Variants in IRF5 observed in about 807,000 individuals in gnomAD.
IRF5 encodes the protein interferon regulatory factor 5.
In IRF5, 24 loss-of-function variants were observed where a neutral mutation model predicts 55.1. The ratio of observed to expected loss-of-function variants is 0.44; its 90% CI spans 0.32 to 0.61. IRF5 has a LOEUF of 0.61. Among genes scored for constraint, IRF5 ranks in the 20% least tolerant of loss-of-function variants. The pLI, the probability that IRF5 is intolerant of heterozygous loss-of-function variation, is 0.07. For missense variants in IRF5, 499 were observed against 658.5 expected (o/e 0.76, Z 2.65); for synonymous variants, 258 against 260.2 (o/e 0.99, Z 0.08).
At chr7:128,943,514 A>G (rs1796142449) in intron 2 of IRF5, among the ~76,000 whole-genome samples, 2 of 150,018 alleles carry the variant, frequency 1.3e-5, no homozygotes, top group African/African-American at 2.5e-5. Flanking sequence ...AGCCGTGACT[A>G]CAGGTGCATG....
Position 128,949,096 on chromosome 7 carries a change from A to G in IRF5, c.*278A>G, listed in dbSNP as rs1796492723. ...TCCCAACCCTGGGGCCTAGCTGTAT[A>G]GGAGGAATTGCCTAAGGGTGGCCCA... On this transcript the variant is annotated 3_prime_UTR_variant, in exon 9 of 9. Coordinates refer to ENST00000357234, the MANE Select transcript of IRF5 (RefSeq NM_001098629.3). 4.5e-6 allele frequency: 2 copies of G among 441,004 alleles called. No homozygotes were observed. 27.3% of individuals were successfully genotyped at this position (441,004 alleles called of 1,614,324 possible). A position where few individuals can be genotyped will look rare whatever the true frequency, so the allele number is the denominator to read the frequency against.
chr7:128,948,621 CT>C lies in IRF5; in HGVS notation c.1349del (p.Leu450HisfsTer156). The C allele has an allele frequency of 1.2e-6, 2 of 1,614,166 alleles. No homozygotes were observed. The highest frequency in any genetic ancestry group is 1.7e-6 in the Non-Finnish European group (2 of 1,180,036). ...GCTGCTGGAGATGTTCTCAGGGGAGCTATCTTGGTCAGCTGATAGTATCCGG... is the reference window on the plus strand; with the variant it reads ...GCTGCTGGAGATGTTCTCAGGGGAGCATCTTGGTCAGCTGATAGTATCCGG... The part of the protein sequence containing the change: ...RLLLEMFSGE[L>X]SWSADSIRLQ... On this transcript the variant is annotated frameshift_variant, in exon 9 of 9. Coordinates refer to ENST00000357234, the MANE Select transcript of IRF5 (RefSeq NM_001098629.3). LOFTEE classifies it high-confidence loss of function. This position sits in a 1 kb window ranked among gnomAD's most constrained non-coding sequence, Gnocchi z 4.6.
rs150639578 is a variant in IRF5, at chr7:128,941,040, A to G, written c.-11-1031A>G. On this transcript the variant is annotated intron_variant, in intron 1 of 8. Transcript: ENST00000357234. ...AATGACCCAGTCCTTTCTGTCTTCC[A>G]CCCAGGGGTCTCAAGTGAAGGGCCA... Among the ~76,000 whole-genome samples, 801 of 152,336 alleles carry G rather than the reference A, an allele frequency of 5.3e-3. 7 individuals carry two copies. The highest frequency in any genetic ancestry group is 9.3e-3 in the Non-Finnish European group (632 of 68,036).
chr7:128,948,435 C>A lies in IRF5; in HGVS notation c.1299+107C>A. The A allele has an allele frequency of 6.8e-7, 1 of 1,466,794 alleles. No individual in the cohort carries two copies. The highest frequency in any genetic ancestry group is 9.3e-7 in the Non-Finnish European group (1 of 1,073,826). 90.9% of individuals were successfully genotyped at this position (1,466,794 alleles called of 1,614,324 possible). A position where few individuals can be genotyped will look rare whatever the true frequency, so the allele number is the denominator to read the frequency against. On this transcript the variant is annotated intron_variant, in intron 8 of 8. Coordinates refer to ENST00000357234, the MANE Select transcript of IRF5 (RefSeq NM_001098629.3). The surrounding 1 kb of genome is among the most constrained non-coding windows in gnomAD (Gnocchi z 4.6). ...CTCAGGGCTCCCTGAGCAGTGTGAACTTGGCGGCCAGAGACCATCAAGGCT... is the reference window on the plus strand; with the variant it reads ...CTCAGGGCTCCCTGAGCAGTGTGAAATTGGCGGCCAGAGACCATCAAGGCT...
intron 1 of IRF5, 115 bp from the exon 2 acceptor site, chr7:128,941,956 A>G: frequency 1.4e-6 from 1 of 712,564 alleles, no homozygotes; most frequent in Non-Finnish European, 2.3e-6. Context: ...ATTGGCCTTA[A>G]ATACCTAGAT....
Position 128,947,141 on chromosome 7 carries a change from G to C in IRF5, c.481+85G>C. 1 of 1,611,624 alleles carries C rather than the reference G, an allele frequency of 6.2e-7. No individual in the cohort carries two copies. Among genetic ancestry groups the C allele is most frequent in the Non-Finnish European group, 8.5e-7 (1 of 1,178,400 alleles). On this transcript the variant is annotated intron_variant, in intron 5 of 8. Coordinates refer to ENST00000357234, the MANE Select transcript of IRF5 (RefSeq NM_001098629.3). This position sits in a 1 kb window ranked among gnomAD's most constrained non-coding sequence, Gnocchi z 6.5. Reference sequence around the variant, plus strand: ...GTACCTGGAAGGGGGCTGATGGGAGGCTAGGGTGGCCCAGGGCTGGGAGGA... The same window carrying C: ...GTACCTGGAAGGGGGCTGATGGGAGCCTAGGGTGGCCCAGGGCTGGGAGGA...
rs549413419 is a variant in IRF5, at chr7:128,946,875, G to A, written c.448-148G>A. ...TGCCTGGGATGGACGAGCTGGGACC[G>A]GAGGCAGGGTCTTGCCTGAGCTAAA... is the stretch of plus-strand genomic sequence containing the variant. On this transcript the variant is annotated intron_variant, in intron 4 of 8. Coordinates refer to ENST00000357234, the MANE Select transcript of IRF5 (RefSeq NM_001098629.3). This position sits in a 1 kb window ranked among gnomAD's most constrained non-coding sequence, Gnocchi z 4.2. 22 of 945,852 alleles carry A rather than the reference G, an allele frequency of 2.3e-5. No individual in the cohort carries two copies. Among genetic ancestry groups the A allele is most frequent in the East Asian group, 1.3e-4 (5 of 38,938 alleles). The allele number at this position is 945,852 out of a possible 1,614,324, so 58.6% of individuals were successfully genotyped here.
Position 128,947,428 on chromosome 7 carries a change from G to C in IRF5, c.680G>C (p.Arg227Thr). ...CCCCCTGGCAACCCTGCTGGCTTCA[G>C]GGAGCTTCTCTCTGAGGTCCTGGAG... ...APPPGNPAGF[R>T]ELLSEVLEPG... The change falls in exon 6 of 9, where the codon AGG becomes ACG. Residue 227 changes from arginine to threonine, a missense_variant. Coordinates refer to ENST00000357234, the MANE Select transcript of IRF5 (RefSeq NM_001098629.3). The surrounding 1 kb of genome is among the most constrained non-coding windows in gnomAD (Gnocchi z 6.5). 1 of 1,611,672 alleles carries C rather than the reference G, an allele frequency of 6.2e-7. No homozygotes were observed. The highest frequency in any genetic ancestry group is 8.5e-7 in the Non-Finnish European group (1 of 1,179,442).
chr7:128,938,583 C>T (rs145527852), intron 1 of IRF5, among the ~76,000 whole-genome samples: 40 of 152,296 alleles, frequency 2.6e-4, no homozygotes, highest in African/African-American at 8.2e-4. Context: ...ATCTTCAGGC[C>T]AATGGCAGGA....
intron 2 of IRF5, among the ~76,000 whole-genome samples, chr7:128,943,661 C>T (rs1195783544): frequency 6.7e-6 from 1 of 150,364 alleles, no homozygotes; most frequent in African/African-American, 2.5e-5. Context: ...CTGCCTCAGC[C>T]TCCCGAGTAG....
At position 128,949,038 on chromosome 7, in the gene IRF5, C is replaced by T. The variant is rs1435293454; in HGVS notation, c.*220C>T. On this transcript the variant is annotated 3_prime_UTR_variant, in exon 9 of 9. Transcript: ENST00000357234. The stretch of plus-strand genomic sequence containing the variant: ...TCTCTGGTCTGGTCAGCCTGGCTCT[C>T]GGGAAATTCAGCCATGAGCAGGGAA... 1.2e-5 allele frequency: 7 copies of T among 578,672 alleles called. No individual in the cohort carries two copies. The highest frequency in any genetic ancestry group is 6.6e-5 in the South Asian group (3 of 45,342). 35.8% of individuals were successfully genotyped at this position (578,672 alleles called of 1,614,324 possible). A position where few individuals can be genotyped will look rare whatever the true frequency, so the allele number is the denominator to read the frequency against.
intron 2 of IRF5, among the ~76,000 whole-genome samples, chr7:128,944,854 A>G (rs1024007856): frequency 6.6e-6 from 1 of 152,084 alleles, no homozygotes; most frequent in Non-Finnish European, 1.5e-5. Flanking sequence ...CCCCTCATTG[A>G]TGGATGTTGC....
At chr7:128,945,081 G>A (rs1796228775) in intron 2 of IRF5, among the ~76,000 whole-genome samples, 1 of 152,152 alleles carries the variant, frequency 6.6e-6, no homozygotes, top group South Asian at 2.1e-4. Context: ...TGTCCTATGT[G>A]CAGGTTTAGC....
intron 1 of IRF5, among the ~76,000 whole-genome samples, chr7:128,941,827 C>G (rs1482925089): frequency 6.6e-6 from 1 of 152,164 alleles, no homozygotes; most frequent in Non-Finnish European, 1.5e-5. Context: ...ATGCCTCTGC[C>G]CGGTAAAGGG....
rs144353804 is a variant in IRF5, at chr7:128,949,039, G to A, written c.*221G>A. 1,472 of 577,456 alleles carry A rather than the reference G, an allele frequency of 2.5e-3. 15 individuals are homozygous for A. Among genetic ancestry groups the A allele is most frequent in the African/African-American group, 0.024 (1,278 of 53,574 alleles). 35.8% of individuals were successfully genotyped at this position (577,456 alleles called of 1,614,324 possible). A position where few individuals can be genotyped will look rare whatever the true frequency, so the allele number is the denominator to read the frequency against. ...CTCTGGTCTGGTCAGCCTGGCTCTCGGGAAATTCAGCCATGAGCAGGGAAA... is the reference window on the plus strand; with the variant it reads ...CTCTGGTCTGGTCAGCCTGGCTCTCAGGAAATTCAGCCATGAGCAGGGAAA... On this transcript the variant is annotated 3_prime_UTR_variant, in exon 9 of 9. Coordinates refer to ENST00000357234, the MANE Select transcript of IRF5 (RefSeq NM_001098629.3).
At chr7:128,945,112 C>T (rs1006776597) in intron 2 of IRF5, among the ~76,000 whole-genome samples, 1 of 152,146 alleles carries the variant, frequency 6.6e-6, no homozygotes, top group African/African-American at 2.4e-5. Flanking sequence ...TTACGGACAT[C>T]AACTCCCCTC....
rs1796301374 is a variant in IRF5, at chr7:128,946,350, G to A, written c.386-151G>A. On this transcript the variant is annotated intron_variant, in intron 3 of 8. Transcript: ENST00000357234. The surrounding 1 kb of genome is among the most constrained non-coding windows in gnomAD (Gnocchi z 4.2). ...AGTCGGGGAGGTCTTTCCCAATCCT[G>A]GTGGCTGTGCCCTCCACCTCGCCCT... 3 of 937,290 alleles carry A rather than the reference G, an allele frequency of 3.2e-6. No homozygotes were observed. The highest frequency in any genetic ancestry group is 5.3e-5 in the East Asian group (2 of 37,746). The allele number at this position is 937,290 out of a possible 1,614,324, so 58.1% of individuals were successfully genotyped here.
rs927751474 is a variant in IRF5, at chr7:128,947,820, C to T, written c.879C>T (p.Ser293=). The change falls in exon 7 of 9, where the codon AGC becomes AGT. Residue 293 remains serine (S), a synonymous_variant. Transcript: ENST00000357234. This position sits in a 1 kb window ranked among gnomAD's most constrained non-coding sequence, Gnocchi z 6.5. ...CCCATGGCTGCCGGCTCTTCTACAG[C>T]CAGCTGGAGGCCACCCAGGAGCAGG... ...SNPHGCRLFY[S]QLEATQEQVE... 2.5e-6 allele frequency: 4 copies of T among 1,613,708 alleles called. No homozygotes were observed. The highest frequency in any genetic ancestry group is 1.3e-5 in the African/African-American group (1 of 74,898).
At chr7:128,937,860 C>CGCGGA (rs1563069496), upstream of IRF5, 2 of 150,044 alleles carry the variant, frequency 1.3e-5, no homozygotes, top group Non-Finnish European at 3.0e-5. Flanking sequence ...GGAGTGGATT[C>CGCGGA]GCGGGGCGGG....
Sources: allele counts gnomAD v4.1 joint callset (sites outside exome capture counted in the v4.1 genomes callset), GRCh38; gene constraint gnomAD v4.1.1; non-coding constraint Gnocchi (gnomAD v3.1); transcripts MANE v1.5; gene names NCBI Gene and HGNC (gene_info 2026-07-23, HGNC 2026-07-21).